The following MPI variants were observed in gnomAD, a reference collection of about 807,000 sequenced individuals.
MPI encodes mannose phosphate isomerase.
A neutral mutation model predicts 40.1 loss-of-function variants in MPI; 33 were observed. The observed-to-expected ratio is 0.82, with a 90% CI of 0.62 to 1.10. The LOEUF is 1.10. Among genes scored for constraint, MPI ranks in the 50% least tolerant of loss-of-function variants. The pLI is 0.00. For synonymous variants in MPI, 187 were observed against 207.4 expected (o/e 0.90, Z 0.85); for missense variants, 514 against 524.1 (o/e 0.98, Z 0.19).
At chr15:74,896,935 G>A in intron 6 of MPI, 76 bp from the exon 7 acceptor site, 3 of 1,390,596 alleles carry the variant, frequency 2.2e-6, no homozygotes, top group Non-Finnish European at 3.1e-6. Flanking sequence ...GGTTCATGGA[G>A]CTCAGGTTAG....
At chr15:74,894,307 C>T (rs1045730075) in intron 5 of MPI, among the ~76,000 whole-genome samples, 1 of 151,810 alleles carries the variant, frequency 6.6e-6, no homozygotes, top group Non-Finnish European at 1.5e-5. Flanking sequence ...GGGTCTCGAA[C>T]TCCTGAGCTC....
Position 74,893,206 on chromosome 15 carries a change from G to T in MPI, c.556G>T (p.Asp186Tyr), listed in dbSNP as rs762911151. 1 of 1,614,242 alleles carries T rather than the reference G, an allele frequency of 6.2e-7. No homozygotes were observed. Among genetic ancestry groups the T allele is most frequent in the South Asian group, 1.1e-5 (1 of 91,086 alleles). Residue 186 changes from aspartate to tyrosine, a missense_variant, in exon 5 of 8, where the codon GAC (aspartate) becomes TAC (tyrosine). Physicochemically the swap from Asp to Tyr is radical, Grantham distance 160 (BLOSUM62 -3). Transcript: ENST00000352410. ...ATHLKQTMSH[D>Y]SQAVASSLQS... ...ACACCTGAAGCAGACCATGAGCCATGACTCCCAGGCTGTGGCCTCCTCTCT... is the reference window on the plus strand; with the variant it reads ...ACACCTGAAGCAGACCATGAGCCATTACTCCCAGGCTGTGGCCTCCTCTCT...
chr15:74,893,005 C>G, intron 4 of MPI, 133 bp from the exon 5 acceptor site: 1 of 1,354,706 alleles, frequency 7.4e-7, no homozygotes, highest in East Asian at 2.3e-5. Context: ...TGATTGGTTT[C>G]CACTGCAAAG....
chr15:74,892,609 T>C, intron 3 of MPI, 52 bp from the exon 4 acceptor site: 1 of 1,610,884 alleles, frequency 6.2e-7, no homozygotes, highest in Non-Finnish European at 8.5e-7. Context: ...GTGTACCTGC[T>C]AGGTAATGGC....
chr15:74,893,132 C>T lies in MPI; in HGVS notation c.488-6C>T. The T allele has an allele frequency of 1.9e-6, 3 of 1,613,756 alleles. No individual in the cohort carries two copies. Among genetic ancestry groups the T allele is most frequent in the Non-Finnish European group, 2.5e-6 (3 of 1,180,022 alleles). On this transcript the variant is annotated splice_polypyrimidine_tract_variant and splice_region_variant and intron_variant, in intron 4 of 7. Coordinates refer to ENST00000352410, the MANE Select transcript of MPI (RefSeq NM_002435.3). Reference sequence around the variant, plus strand: ...GATATGGGCCCTGGGCCTTGCCTTCCTGTAGAGGTGCCTGAGTTTCAGTTC... The same window carrying T: ...GATATGGGCCCTGGGCCTTGCCTTCTTGTAGAGGTGCCTGAGTTTCAGTTC...
chr15:74,895,068 C>T (rs142365459), intron 5 of MPI, among the ~76,000 whole-genome samples: 12,590 of 148,696 alleles, frequency 0.085, 716 homozygotes, highest in East Asian at 0.28. Flanking sequence ...CGGGTTCAAG[C>T]GATTCTCCTG....
chr15:74,891,727 C>A, intron 3 of MPI, 148 bp downstream of exon 3: 1 of 833,900 alleles, frequency 1.2e-6, no homozygotes, highest in Non-Finnish European at 2.0e-6. Context: ...TTTAGCTCTG[C>A]AAAGCCAGAT....
At chr15:74,893,391 G>C (rs768599996) in intron 5 of MPI, 71 bp downstream of exon 5, 1 of 1,566,616 alleles carries the variant, frequency 6.4e-7, no homozygotes, top group Non-Finnish European at 8.8e-7. Context: ...CCAGACTCTG[G>C]GGACAGTTCT....
chr15:74,894,065 TG>T (rs2064770485), intron 5 of MPI, among the ~76,000 whole-genome samples: 2 of 58,522 alleles, frequency 3.4e-5, no homozygotes, highest in Non-Finnish European at 7.4e-5. Context: ...TGTGTGTGTG[TG>T]TGTGTGTGTG....
chr15:74,890,710 T>G lies in MPI; in HGVS notation c.144+56T>G, dbSNP rs1295552421. On this transcript the variant is annotated intron_variant, in intron 2 of 7. Transcript: ENST00000352410. Reference sequence around the variant, plus strand: ...TACCCGCAGGTCAGGAGAAAGGGCCTGAGGCAAGTCATAAGAATCAGCTGG... The same window carrying G: ...TACCCGCAGGTCAGGAGAAAGGGCCGGAGGCAAGTCATAAGAATCAGCTGG... 1.9e-6 allele frequency: 3 copies of G among 1,606,436 alleles called. No individual in the cohort carries two copies. In the Admixed American group the frequency reaches 5.0e-5, roughly 27 times the overall value.
Position 74,900,372 on chromosome 15 carries a change from T to C in MPI, c.*2642T>C, listed in dbSNP as rs2064903335. The stretch of plus-strand genomic sequence containing the variant: ...CAGCTGAATATGCCAGAGCTGATTA[T>C]TACAACAACGATGCAGAGGGCCTTG... On this transcript the variant is annotated 3_prime_UTR_variant, in exon 8 of 8. Coordinates refer to ENST00000352410, the MANE Select transcript of MPI (RefSeq NM_002435.3). 6.6e-6 allele frequency: 1 copy of C among 152,266 alleles called. No homozygotes were observed. The highest frequency in any genetic ancestry group is 6.5e-5 in the Admixed American group (1 of 15,278). The allele number at this position is 152,266 out of a possible 1,614,324, so 9.4% of individuals were successfully genotyped here.
Position 74,890,630 on chromosome 15 carries a change from C to CCACT in MPI, c.120_121insCACT (p.Ala41HisfsTer24). On this transcript the variant is annotated frameshift_variant, in exon 2 of 8. Coordinates refer to ENST00000352410, the MANE Select transcript of MPI (RefSeq NM_002435.3). LOFTEE classifies it high-confidence loss of function. ...CCAGCAGTGATCCACTGGCCCAGATCGCAGAGGACAAGCCTTATGCAGAGG... is the reference window on the plus strand; with the variant it reads ...CCAGCAGTGATCCACTGGCCCAGATCCACTGCAGAGGACAAGCCTTATGCAGAGG... The CCACT allele has an allele frequency of 6.2e-7, 1 of 1,614,054 alleles. No individual in the cohort carries two copies. The highest frequency in any genetic ancestry group is 8.5e-7 in the Non-Finnish European group (1 of 1,180,034).
intron 6 of MPI, 58 bp from the exon 7 acceptor site, chr15:74,896,953 A>G (rs2064827088): frequency 4.5e-6 from 7 of 1,555,326 alleles, no homozygotes; most frequent in Non-Finnish European, 6.2e-6. Context: ...TAGGAGGCCC[A>G]GAACTGGAGA....
intron 5 of MPI, 62 bp downstream of exon 5, chr15:74,893,382 C>G: frequency 6.4e-7 from 1 of 1,574,732 alleles, no homozygotes; most frequent in Non-Finnish European, 8.7e-7. Flanking sequence ...CAGCAGACAC[C>G]AGACTCTGGG....
At chr15:74,896,980 TCAGCTTAGCA>T in intron 6 of MPI, 21 bp from the exon 7 acceptor site, 1 of 1,607,358 alleles carries the variant, frequency 6.2e-7, no homozygotes, top group Non-Finnish European at 8.5e-7. Context: ...GCATACTTCA[TCAGCTTAGCA>T]CATGACGACT....
At position 74,896,304 on chromosome 15, in the gene MPI, C is replaced by T. The variant is rs540858898; in HGVS notation, c.823C>T (p.Pro275Ser). 1 of 1,614,164 alleles carries T rather than the reference C, an allele frequency of 6.2e-7. No individual in the cohort carries two copies. Among genetic ancestry groups the T allele is most frequent in the African/African-American group, 1.3e-5 (1 of 75,040 alleles). ...GGCCATGTTTCTGGAGGCCAACGTA[C>T]CCCATGCCTACCTGAAAGGAGGTGA... ...GEAMFLEANV[P>S]HAYLKGDCVE... The change falls in exon 6 of 8, where the codon CCC becomes TCC. Residue 275 changes from proline to serine, a missense_variant. Coordinates refer to ENST00000352410, the MANE Select transcript of MPI (RefSeq NM_002435.3).
chr15:74,894,795 A>AAAAAAG (rs1297298170), intron 5 of MPI, among the ~76,000 whole-genome samples: 1 of 149,146 alleles, frequency 6.7e-6, no homozygotes, highest in South Asian at 2.1e-4. Context: ...TCGGAAAAAA[A>AAAAAAG]AAAAAGAAAA....
intron 2 of MPI, chr15:74,891,029 G>A: frequency 1.8e-6 from 1 of 569,584 alleles, no homozygotes; most frequent in Non-Finnish European, 3.3e-6. Context: ...TTCTGAAACT[G>A]GAAGATGTAT....
chr15:74,893,306 G>A lies in MPI; in HGVS notation c.656G>A (p.Arg219Gln), dbSNP rs104894489. ...VVEQLNLLVKRISQQAAAGNN... is the reference protein window; with the variant it reads ...VVEQLNLLVKQISQQAAAGNN... ...GAACAGCTCAACCTGTTGGTGAAGC[G>A]GATCTCCCAGCAAGGTGGACACAGT... The change falls in exon 5 of 8, where the codon CGG (arginine) becomes CAG (glutamine). Residue 219 changes from arginine to glutamine, a missense_variant. Transcript: ENST00000352410. 2.7e-4 allele frequency: 433 copies of A among 1,614,086 alleles called. No individual in the cohort carries two copies. Among genetic ancestry groups the A allele is most frequent in the Non-Finnish European group, 3.1e-4 (367 of 1,180,038 alleles).
Sources: gnomAD v4.1 joint callset for allele counts (sites outside exome capture counted in the v4.1 genomes callset) on GRCh38, gnomAD v4.1.1 for gene constraint, MANE v1.5 for transcripts, NCBI Gene and HGNC (gene_info 2026-07-23, HGNC 2026-07-21) for gene names.